Variants in SLC4A10 observed in about 807,000 individuals in gnomAD.
SLC4A10 encodes the protein sodium-driven chloride bicarbonate exchanger.
In SLC4A10, 42 loss-of-function variants were observed where a neutral mutation model predicts 137.7. That is an observed-to-expected ratio of 0.30 (90% CI 0.24 to 0.39). The LOEUF (loss-of-function observed/expected upper bound fraction) is 0.39. Ranked by LOEUF, SLC4A10 falls within the 10% of genes least tolerant of loss-of-function variation. The probability of loss-of-function intolerance (pLI) is 1.00; values close to 1 mark genes in which losing one functional copy is unlikely to be tolerated. For synonymous variants in SLC4A10, 474 were observed against 464.1 expected (o/e 1.02, Z -0.27); for missense variants, 925 against 1,355.0 (o/e 0.68, Z 4.98).
intron 1 of SLC4A10, among the ~76,000 whole-genome samples, chr2:161,752,396 G>A (rs991451695): frequency 1.3e-5 from 2 of 152,008 alleles, no homozygotes; most frequent in Non-Finnish European, 2.9e-5. Flanking sequence ...TTAAGGTGAT[G>A]AATGGTAGTT....
chr2:161,842,712 A>G (rs902946303), intron 4 of SLC4A10, among the ~76,000 whole-genome samples: 4 of 152,152 alleles, frequency 2.6e-5, no homozygotes, highest in African/African-American at 9.7e-5. Flanking sequence ...CTTCTACCTT[A>G]CTTTTTGTCC....
intron 2 of SLC4A10, among the ~76,000 whole-genome samples, chr2:161,779,421 G>A (rs933551598): frequency 7.9e-5 from 12 of 151,934 alleles, no homozygotes; most frequent in Non-Finnish European, 8.8e-5. Context: ...AAAGCACCTA[G>A]CACAAAGCTA....
At chr2:161,781,229 A>G (rs1406349838) in intron 2 of SLC4A10, among the ~76,000 whole-genome samples, 1 of 152,114 alleles carries the variant, frequency 6.6e-6, no homozygotes, top group African/African-American at 2.4e-5. Flanking sequence ...GTGTTATGGA[A>G]CATGAACTGC....
intron 1 of SLC4A10, among the ~76,000 whole-genome samples, chr2:161,761,192 G>A (rs2050220466): frequency 6.6e-6 from 1 of 151,990 alleles, no homozygotes; most frequent in Non-Finnish European, 1.5e-5. Context: ...CATACAAACT[G>A]TTAGTCTCTA....
At chr2:161,710,975 T>C (rs555206003) in intron 1 of SLC4A10, among the ~76,000 whole-genome samples, 1 of 151,994 alleles carries the variant, frequency 6.6e-6, no homozygotes, top group South Asian at 2.1e-4. Context: ...TAACTTAATC[T>C]ATAAGCTGAT....
At chr2:161,818,975 G>A (rs1464700617) in intron 3 of SLC4A10, among the ~76,000 whole-genome samples, 2 of 152,144 alleles carry the variant, frequency 1.3e-5, no homozygotes, top group African/African-American at 2.4e-5. Flanking sequence ...TTGGTATCAG[G>A]ATGATGCTGG....
At chr2:161,811,888 T>G (rs1041156204) in intron 3 of SLC4A10, among the ~76,000 whole-genome samples, 5 of 152,068 alleles carry the variant, frequency 3.3e-5, no homozygotes. Flanking sequence ...GAAATGAATT[T>G]TTCTTATCAT....
chr2:161,672,838 T>A (rs1165581648), intron 1 of SLC4A10, among the ~76,000 whole-genome samples: 1 of 152,192 alleles, frequency 6.6e-6, no homozygotes, highest in Non-Finnish European at 1.5e-5. Context: ...ATTTTTGATC[T>A]TTTTCATTTA....
At chr2:161,687,045 C>A (rs749490998) in intron 1 of SLC4A10, among the ~76,000 whole-genome samples, 22 of 152,130 alleles carry the variant, frequency 1.4e-4, no homozygotes, top group Non-Finnish European at 2.5e-4. Flanking sequence ...CCATGCCCAG[C>A]AAATTTTTTT....
chr2:161,636,948 C>T (rs1029935881), intron 1 of SLC4A10, among the ~76,000 whole-genome samples: 1 of 150,196 alleles, frequency 6.7e-6, no homozygotes, highest in Non-Finnish European at 1.5e-5. Context: ...AACTACTAGC[C>T]TCAGGCAATC....
chr2:161,677,060 C>T (rs1315995951), intron 1 of SLC4A10, among the ~76,000 whole-genome samples: 2 of 152,004 alleles, frequency 1.3e-5, no homozygotes, highest in African/African-American at 4.8e-5. Flanking sequence ...GAAAGTGGTG[C>T]CTGGTGGGTG....
chr2:161,909,115 G>A (rs938508606), intron 15 of SLC4A10, among the ~76,000 whole-genome samples: 3 of 149,064 alleles, frequency 2.0e-5, no homozygotes, highest in African/African-American at 7.4e-5. Context: ...ATAGCATTAG[G>A]AGATATACCT....
At chr2:161,799,199 C>T (rs1278649820) in intron 2 of SLC4A10, among the ~76,000 whole-genome samples, 1 of 151,524 alleles carries the variant, frequency 6.6e-6, no homozygotes, top group Non-Finnish European at 1.5e-5. Context: ...AAAGGACTCG[C>T]TCCTTTAATT....
chr2:161,867,929 C>T (rs183967516), intron 6 of SLC4A10, among the ~76,000 whole-genome samples: 1 of 151,802 alleles, frequency 6.6e-6, no homozygotes, highest in South Asian at 2.1e-4. Context: ...ACTCTAAATG[C>T]GTTGAAGGTT....
chr2:161,640,635 TC>T lies in SLC4A10; in HGVS notation c.48+16071del, dbSNP rs1294556705. 4.2e-3 allele frequency among the ~76,000 whole-genome samples: 621 copies of T among 146,872 alleles called. 10 individuals are homozygous for T. Among genetic ancestry groups the T allele is most frequent in the African/African-American group, 0.013 (524 of 39,290 alleles). ...TTCCTTCCTTCCTTCCTTCCTTCCT[TC>T]CTTCCTTCCTTCCTTCCTTCCTTCT... On this transcript the variant is annotated intron_variant, in intron 1 of 26. Coordinates refer to ENST00000446997, the MANE Select transcript of SLC4A10 (RefSeq NM_001178015.2).
intron 10 of SLC4A10, among the ~76,000 whole-genome samples, chr2:161,882,691 T>G (rs2061894311): frequency 6.6e-6 from 1 of 152,130 alleles, no homozygotes; most frequent in Non-Finnish European, 1.5e-5. Context: ...ACTTAGAATA[T>G]ATTATTAATA....
chr2:161,900,948 C>T lies in SLC4A10; in HGVS notation c.1379C>T (p.Ala460Val), dbSNP rs545573563. ...RKIPAVPNGT[A>V]AHGEAEPHGG... Reference sequence around the variant, plus strand: ...ATTCCTGCTGTACCAAATGGAACAGCAGCTCATGGGGAAGCAGAGCCCCAC... The same window carrying T: ...ATTCCTGCTGTACCAAATGGAACAGTAGCTCATGGGGAAGCAGAGCCCCAC... Residue 460 changes from alanine to valine, a missense_variant, in exon 12 of 27, where the codon GCA (alanine) becomes GTA (valine). Around this residue, in one of 11 missense-constraint regions of SLC4A10, gnomAD observed 61 missense variants for 59.0 expected, o/e 1.03. Transcript: ENST00000446997. 3 of 1,566,526 alleles carry T rather than the reference C, an allele frequency of 1.9e-6. No individual in the cohort carries two copies. Among genetic ancestry groups the T allele is most frequent in the Non-Finnish European group, 1.7e-6 (2 of 1,155,018 alleles).
At chr2:161,847,054 T>G (rs1463151393) in intron 4 of SLC4A10, among the ~76,000 whole-genome samples, 2 of 148,338 alleles carry the variant, frequency 1.3e-5, no homozygotes, top group African/African-American at 5.0e-5. Flanking sequence ...CTGGGTAACA[T>G]AGTGAGACCC....
intron 1 of SLC4A10, among the ~76,000 whole-genome samples, chr2:161,701,127 A>G (rs562892458): frequency 6.6e-6 from 1 of 152,174 alleles, no homozygotes; most frequent in African/African-American, 2.4e-5. Flanking sequence ...GAAAGCATAT[A>G]TACAGATCCC....
Sources: gnomAD v4.1 joint callset for allele counts (sites outside exome capture counted in the v4.1 genomes callset) on GRCh38, gnomAD v4.1.1 for gene constraint, gnomAD v4.1.1 regional missense constraint, MANE v1.5 for transcripts, NCBI Gene and HGNC (gene_info 2026-07-23, HGNC 2026-07-21) for gene names.